The following RFWD3 variants were observed in gnomAD, a reference collection of about 807,000 sequenced individuals.
RFWD3 encodes E3 ubiquitin-protein ligase RFWD3.
In RFWD3, 65 loss-of-function variants were observed where a neutral mutation model predicts 87.7. The ratio of observed to expected loss-of-function variants is 0.74; its 90% confidence interval spans 0.61 to 0.91. RFWD3 has a LOEUF of 0.91. Among genes scored for constraint, RFWD3 ranks in the 40% least tolerant of loss-of-function variants. The pLI is 0.00. For missense variants in RFWD3, 1,078 were observed against 938.5 expected (o/e 1.15, Z -1.94); for synonymous variants, 433 against 352.8 (o/e 1.23, Z -2.55).
At chr16:74,653,650 T>C (rs978886552) in intron 2 of RFWD3, among the ~76,000 whole-genome samples, 1 of 151,616 alleles carries the variant, frequency 6.6e-6, no homozygotes, top group Non-Finnish European at 1.5e-5. Flanking sequence ...CCATCTCTAT[T>C]AAAAAAAAAT....
chr16:74,650,321 T>C lies in RFWD3; in HGVS notation c.722-1119A>G, dbSNP rs1163439303. On this transcript the variant is annotated intron_variant, in intron 3 of 12. Transcript: ENST00000361070. ...CGTTTCTACAAACTATGCAAACTGG[T>C]TGTTAGAAAACAGTCTTGAGTAGAT... 2.0e-5 allele frequency among the ~76,000 whole-genome samples: 3 copies of C among 152,166 alleles called. No homozygotes were observed. In the East Asian group the frequency reaches 5.8e-4, roughly 29 times the overall value.
chr16:74,638,828 ATGT>A (rs1423214685), intron 6 of RFWD3, among the ~76,000 whole-genome samples: 6 of 152,178 alleles, frequency 3.9e-5, no homozygotes, highest in African/African-American at 9.7e-5. Flanking sequence ...TCTGAGAAAC[ATGT>A]TGTTAGGTGA....
At chr16:74,651,185 C>A (rs1960533635) in intron 3 of RFWD3, among the ~76,000 whole-genome samples, 1 of 152,158 alleles carries the variant, frequency 6.6e-6, no homozygotes, top group African/African-American at 2.4e-5. Flanking sequence ...AAGTTTTTAA[C>A]ATAAGCAGGA....
At chr16:74,626,275 T>C (rs1958929064) in intron 12 of RFWD3, 68 bp downstream of exon 12, 2 of 1,436,066 alleles carry the variant, frequency 1.4e-6, no homozygotes, top group African/African-American at 2.8e-5. Context: ...AAAAAGTTCA[T>C]GTTTTCCCTT....
chr16:74,653,841 T>C (rs1448662061), intron 2 of RFWD3, among the ~76,000 whole-genome samples: 1 of 152,214 alleles, frequency 6.6e-6, no homozygotes, highest in Non-Finnish European at 1.5e-5. Flanking sequence ...TTTGACTAAA[T>C]GCTAACTAGA....
chr16:74,633,810 C>T (rs947039848), intron 8 of RFWD3, among the ~76,000 whole-genome samples: 1 of 151,628 alleles, frequency 6.6e-6, no homozygotes, highest in Non-Finnish European at 1.5e-5. Context: ...ATTAGCTGGG[C>T]GTAGTGGGGC....
intron 4 of RFWD3, among the ~76,000 whole-genome samples, chr16:74,648,217 T>G (rs994903809): frequency 6.6e-6 from 1 of 152,030 alleles, no homozygotes; most frequent in Non-Finnish European, 1.5e-5. Context: ...CCCTCCCCAT[T>G]TTTAAATCTA....
intron 12 of RFWD3, among the ~76,000 whole-genome samples, chr16:74,625,427 T>C (rs889884064): frequency 3.3e-5 from 5 of 151,252 alleles, no homozygotes; most frequent in East Asian, 3.9e-4. Flanking sequence ...GGCACAAGAA[T>C]TGCTTGAACC....
chr16:74,666,248 C>G (rs1014568031), intron 1 of RFWD3: 1 of 152,050 alleles, frequency 6.6e-6, no homozygotes, highest in Non-Finnish European at 1.5e-5. Context: ...GATATTAAAT[C>G]CCTGTTCTTT....
In RFWD3 at chr16:74,628,681, A is replaced by G; in HGVS notation, c.1755-15T>C. 6.2e-7 allele frequency: 1 copy of G among 1,613,126 alleles called. No individual in the cohort carries two copies. Among genetic ancestry groups the G allele is most frequent in the South Asian group, 1.1e-5 (1 of 91,054 alleles). Reference sequence around the variant, plus strand: ...CCAGTGGGCATCTGAAAGGAAAGTAAGGAAACTGTATCTCACACTCCAAAA... The same window carrying G: ...CCAGTGGGCATCTGAAAGGAAAGTAGGGAAACTGTATCTCACACTCCAAAA... On this transcript the variant is annotated splice_polypyrimidine_tract_variant and intron_variant, in intron 10 of 12. Transcript: ENST00000361070.
At chr16:74,631,733 G>A (rs1270334266) in intron 9 of RFWD3, among the ~76,000 whole-genome samples, 2 of 152,082 alleles carry the variant, frequency 1.3e-5, no homozygotes, top group East Asian at 1.9e-4. Context: ...GGAGTAAACA[G>A]TACCAACCTG....
chr16:74,656,308 C>CAAAAAAAAAAAAA (rs71158534), intron 2 of RFWD3, among the ~76,000 whole-genome samples: 4 of 64,226 alleles, frequency 6.2e-5, no homozygotes, highest in East Asian at 5.4e-4. Context: ...CTTGTCTTGC[C>CAAAAAAAAAAAAA]AAAAAAAAAA....
intron 1 of RFWD3, among the ~76,000 whole-genome samples, chr16:74,663,853 TAA>T (rs1209864578): frequency 6.6e-6 from 1 of 152,116 alleles, no homozygotes; most frequent in East Asian, 1.9e-4. Context: ...AAAGGGACTG[TAA>T]AAACCAGGTA....
intron 8 of RFWD3, among the ~76,000 whole-genome samples, chr16:74,633,003 A>G (rs1490799647): frequency 1.3e-5 from 2 of 151,050 alleles, no homozygotes; most frequent in Admixed American, 6.6e-5. Flanking sequence ...CAGGCCAGGC[A>G]TGGTGTCTCA....
chr16:74,632,883 A>C lies in RFWD3; in HGVS notation c.1427-210T>G, dbSNP rs367756189. ...GAATGCAGTGGCGTAACCTCAGCTC[A>C]CTACAACTTCTGCCTCCCGGTGATC... On this transcript the variant is annotated intron_variant, in intron 8 of 12. Coordinates refer to ENST00000361070, the MANE Select transcript of RFWD3 (RefSeq NM_018124.4). 5 of 520,810 alleles carry C rather than the reference A, an allele frequency of 9.6e-6. No homozygotes were observed. In the African/African-American group the frequency reaches 9.6e-5, roughly 10 times the overall value. 32.3% of individuals were successfully genotyped at this position (520,810 alleles called of 1,614,324 possible).
intron 4 of RFWD3, among the ~76,000 whole-genome samples, chr16:74,646,514 G>A (rs1271618976): frequency 4.6e-5 from 7 of 151,898 alleles, no homozygotes; most frequent in South Asian, 2.1e-4. Flanking sequence ...TTCGCTGGGC[G>A]CAGTGGCTCA....
At chr16:74,662,200 T>C (rs1357411900) in intron 1 of RFWD3, among the ~76,000 whole-genome samples, 1 of 152,186 alleles carries the variant, frequency 6.6e-6, no homozygotes, top group Non-Finnish European at 1.5e-5. Context: ...AAACTGGTCT[T>C]GAATGCCTGG....
rs769162333 is a variant in RFWD3 at position 74,661,403 on chromosome 16, T to C, written c.47A>G (p.His16Arg). Reference sequence around the variant, plus strand: ...AGCAGGAGCTGGCTGTTGTTCGGCATGATTTAACTGCACCTGAACATCATA... The same window carrying C: ...AGCAGGAGCTGGCTGTTGTTCGGCACGATTTAACTGCACCTGAACATCATA... ...MEYDVQVQLN[H>R]AEQQPAPAGM... The change falls in exon 2 of 13, where the codon CAT becomes CGT. Residue 16 changes from histidine (H) to arginine (R), a missense_variant. Transcript: ENST00000361070. The C allele has an allele frequency of 2.5e-6, 4 of 1,613,926 alleles. No individual in the cohort carries two copies. Among genetic ancestry groups the C allele is most frequent in the East Asian group, 4.5e-5 (2 of 44,886 alleles).
Position 74,652,060 on chromosome 16 carries a change from G to A in RFWD3, c.581C>T (p.Thr194Ile), listed in dbSNP as rs900698512. The A allele has an allele frequency of 6.2e-7, 1 of 1,614,098 alleles. No individual in the cohort carries two copies. The highest frequency in any genetic ancestry group is 2.2e-5 in the East Asian group (1 of 44,892). Residue 194 changes from threonine to isoleucine, a missense_variant, in exon 3 of 13, where the codon ACC becomes ATC. Thr to Ile is a moderately conservative substitution (Grantham distance 89). Coordinates refer to ENST00000361070, the MANE Select transcript of RFWD3 (RefSeq NM_018124.4). ...VSRTQPDLPA[T>I]TYDSETRNPV... ...ATTCCTAGTCTCTGAATCATAAGTG[G>A]TAGCTGGCAAGTCAGGCTGGGTCCT...
Sources: gnomAD v4.1 joint callset for allele counts (sites outside exome capture counted in the v4.1 genomes callset) on GRCh38, gnomAD v4.1.1 for gene constraint, MANE v1.5 for transcripts, NCBI Gene and HGNC (gene_info 2026-07-23, HGNC 2026-07-21) for gene names.